The following ERBB4 variants were observed in gnomAD, a reference collection of about 807,000 sequenced individuals.
The protein encoded by ERBB4 is receptor tyrosine-protein kinase erbB-4.
Under a neutral mutation model 158.0 loss-of-function variants are expected in ERBB4, and 42 were observed. The ratio of observed to expected loss-of-function variants is 0.27; its 90% CI spans 0.21 to 0.34. The LOEUF (loss-of-function observed/expected upper bound fraction) is 0.34, where lower values mean the gene tolerates loss of function less well. ERBB4 is among the 10% of genes least tolerant of loss of function. The pLI is 1.00. For missense variants in ERBB4, 1,333 were observed against 1,624.1 expected (o/e 0.82, Z 3.08); for synonymous variants, 583 against 558.7 (o/e 1.04, Z -0.61).
At chr2:212,296,285 T>A (rs967206230) in intron 1 of ERBB4, among the ~76,000 whole-genome samples, 1 of 151,938 alleles carries the variant, frequency 6.6e-6, no homozygotes, top group Non-Finnish European at 1.5e-5. Flanking sequence ...AATTTCTATT[T>A]ACCAATAAAT....
At chr2:212,347,633 A>T (rs1361578032) in intron 1 of ERBB4, among the ~76,000 whole-genome samples, 1 of 152,152 alleles carries the variant, frequency 6.6e-6, no homozygotes, top group Non-Finnish European at 1.5e-5. Context: ...GAATATTTGC[A>T]GTATGCAGTA....
intron 1 of ERBB4, among the ~76,000 whole-genome samples, chr2:212,133,421 T>C (rs2080171551): frequency 7.0e-6 from 1 of 143,732 alleles, no homozygotes; most frequent in Admixed American, 6.8e-5. Context: ...TGTTTTGTTT[T>C]TGTTTTTTTT....
intron 2 of ERBB4, among the ~76,000 whole-genome samples, chr2:211,948,297 G>A (rs1232573675): frequency 2.6e-5 from 4 of 151,666 alleles, no homozygotes; most frequent in South Asian, 4.2e-4. Context: ...TTAGCTGGGT[G>A]TGGTGGCAGG....
intron 19 of ERBB4, among the ~76,000 whole-genome samples, chr2:211,580,863 A>T (rs1321195226): frequency 0.78 from 48,888 of 62,410 alleles, 19,905 homozygotes; most frequent in East Asian, 0.92. Flanking sequence ...TAGTATGCAT[A>T]TACATATATA....
intron 1 of ERBB4, among the ~76,000 whole-genome samples, chr2:212,126,203 C>T (rs565473196): frequency 1.0e-3 from 155 of 152,128 alleles, no homozygotes; most frequent in Non-Finnish European, 1.8e-3. Flanking sequence ...GTGGCTCACA[C>T]CTGTTATCGC....
At chr2:212,479,702 T>C (rs563090213) in intron 1 of ERBB4, among the ~76,000 whole-genome samples, 1 of 152,278 alleles carries the variant, frequency 6.6e-6, no homozygotes, top group South Asian at 2.1e-4. Flanking sequence ...TTGCCCTACA[T>C]GTAACATTAC....
At chr2:211,417,320 A>AT (rs2063416003) in intron 25 of ERBB4, among the ~76,000 whole-genome samples, 1 of 88,552 alleles carries the variant, frequency 1.1e-5, no homozygotes, top group Non-Finnish European at 2.2e-5. Context: ...AAAAAAATAT[A>AT]AAAAAAAATT....
intron 20 of ERBB4, among the ~76,000 whole-genome samples, chr2:211,436,478 A>G (rs954065217): frequency 6.6e-6 from 1 of 152,216 alleles, no homozygotes; most frequent in African/African-American, 2.4e-5. Flanking sequence ...CTAAATGGGC[A>G]TAACAGCACC....
chr2:211,561,707 T>A lies in ERBB4; in HGVS notation c.2487+196A>T, dbSNP rs1044742932. ...ATTCAATAAAAATGATACAACACAA[T>A]AATCTAAAAATATATATCACGCATT... On this transcript the variant is annotated intron_variant, in intron 20 of 27. Coordinates refer to ENST00000342788, the MANE Select transcript of ERBB4 (RefSeq NM_005235.3). The A allele has an allele frequency of 1.3e-4, 79 of 595,812 alleles. No individual in the cohort carries two copies. In the Middle Eastern group the frequency reaches 1.9e-3, roughly 14 times the overall value. The allele number at this position is 595,812 out of a possible 1,614,324, so 36.9% of individuals were successfully genotyped here.
At chr2:211,648,918 A>C (rs1374287372) in intron 16 of ERBB4, among the ~76,000 whole-genome samples, 1 of 151,836 alleles carries the variant, frequency 6.6e-6, no homozygotes, top group East Asian at 1.9e-4. Flanking sequence ...GAACAGGTGA[A>C]AGTTGTTCTC....
chr2:211,839,800 A>G (rs984263936), intron 3 of ERBB4, among the ~76,000 whole-genome samples: 3 of 152,138 alleles, frequency 2.0e-5, no homozygotes, highest in Non-Finnish European at 4.4e-5. Flanking sequence ...CTCTATGCCA[A>G]TGGTCTCCAA....
At chr2:211,766,683 T>TGAGGCAGGAGAACAGGGTCTG (rs1449622078) in intron 4 of ERBB4, among the ~76,000 whole-genome samples, 1 of 152,172 alleles carries the variant, frequency 6.6e-6, no homozygotes, top group Non-Finnish European at 1.5e-5. Context: ...ATGATGGTTG[T>TGAGGCAGGAGAACAGGGTCTG]GAGGCAGGAG....
chr2:211,953,096 G>A (rs1255598285), intron 2 of ERBB4, among the ~76,000 whole-genome samples: 1 of 152,028 alleles, frequency 6.6e-6, no homozygotes, highest in Non-Finnish European at 1.5e-5. Context: ...GAATCGAAAA[G>A]TGGAAAGCAA....
rs537684892 is a variant in ERBB4, at chr2:212,132,301, C to T, written c.83-7398G>A. On this transcript the variant is annotated intron_variant, in intron 1 of 27. Transcript: ENST00000342788. ...TAAGGAGATGCATATGGGTGCTATGCTGACAAGGGATGGGCCTGTGATGGT... is the reference window on the plus strand; with the variant it reads ...TAAGGAGATGCATATGGGTGCTATGTTGACAAGGGATGGGCCTGTGATGGT... Among the ~76,000 whole-genome samples the T allele has an allele frequency of 1.5e-3, 233 of 152,226 alleles. 2 individuals carry two copies. The highest frequency in any genetic ancestry group is 5.3e-3 in the African/African-American group (222 of 41,542).
chr2:212,174,893 G>T (rs1319817749), intron 1 of ERBB4, among the ~76,000 whole-genome samples: 2 of 151,902 alleles, frequency 1.3e-5, no homozygotes, highest in African/African-American at 2.4e-5. Context: ...TTTATAATTC[G>T]ATCTAAGTCT....
At chr2:211,715,181 G>C (rs150561572) in intron 7 of ERBB4, among the ~76,000 whole-genome samples, 10 of 152,300 alleles carry the variant, frequency 6.6e-5, no homozygotes, top group Non-Finnish European at 1.3e-4. Context: ...TAATGAGCTT[G>C]TCCTGAGAGA....
At chr2:211,566,120 G>A (rs2067538485) in intron 19 of ERBB4, among the ~76,000 whole-genome samples, 1 of 152,186 alleles carries the variant, frequency 6.6e-6, no homozygotes, top group Non-Finnish European at 1.5e-5. Context: ...GTACCAGTCA[G>A]CAGTAACAGG....
chr2:211,520,472 A>G lies in ERBB4; in HGVS notation c.2487+41431T>C, dbSNP rs2066156794. On this transcript the variant is annotated intron_variant, in intron 20 of 27. Transcript: ENST00000342788. ...CCTGTTCTGTACTGCCTGCAAACTA[A>G]GAATGGTTTTTACATTTTTAAAGGG... Among the ~76,000 whole-genome samples, 8 of 152,124 alleles carry G rather than the reference A, an allele frequency of 5.3e-5. No individual in the cohort carries two copies. In the South Asian group the frequency reaches 1.7e-3, roughly 31 times the overall value.
chr2:211,738,298 A>T (rs577574358), intron 5 of ERBB4, among the ~76,000 whole-genome samples: 1 of 150,956 alleles, frequency 6.6e-6, no homozygotes, highest in East Asian at 2.0e-4. Flanking sequence ...AATTAAAATT[A>T]TTTTAAAAAT....
Sources: allele counts gnomAD v4.1 joint callset (sites outside exome capture counted in the v4.1 genomes callset), GRCh38; gene constraint gnomAD v4.1.1; transcripts MANE v1.5; gene names NCBI Gene and HGNC (gene_info 2026-07-23, HGNC 2026-07-21).